Variants in TBCD observed in about 807,000 individuals in gnomAD.
TBCD encodes the protein tubulin-specific chaperone D.
In TBCD, 105 loss-of-function variants were observed where a neutral mutation model predicts 169.3. The ratio of observed to expected loss-of-function variants is 0.62; its 90% CI spans 0.53 to 0.73. TBCD has a LOEUF of 0.73. Among genes scored for constraint, TBCD ranks in the 30% least tolerant of loss-of-function variants. The probability of loss-of-function intolerance (pLI) is 0.00; values close to 1 mark genes in which losing one functional copy is unlikely to be tolerated. For missense variants in TBCD, 1,444 were observed against 1,600.1 expected, an observed-to-expected ratio of 0.90 and a Z score of 1.66; for synonymous variants, 700 against 643.9, an observed-to-expected ratio of 1.09 and a Z score of -1.32.
intron 2 of TBCD, among the ~76,000 whole-genome samples, chr17:82,763,664 C>G (rs1238807373): frequency 2.0e-5 from 3 of 152,028 alleles, no homozygotes; most frequent in African/African-American, 7.3e-5. Context: ...TAGCCTGAAC[C>G]CGGGAGGTGG....
intron 13 of TBCD, chr17:82,830,499 G>T: frequency 1.2e-6 from 2 of 1,613,384 alleles, no homozygotes; most frequent in East Asian, 2.2e-5. Flanking sequence ...CCCCGTCACC[G>T]TCGAGGCTGC....
intron 13 of TBCD, among the ~76,000 whole-genome samples, chr17:82,860,772 CCGGGCTGTGT>C (rs1281548107): frequency 1.3e-5 from 2 of 152,214 alleles, no homozygotes; most frequent in Non-Finnish European, 2.9e-5. Context: ...TCGCCCGTGT[CCGGGCTGTGT>C]AAGAAGCATG....
chr17:82,838,584 T>G (rs1052196207), intron 13 of TBCD: 3 of 918,188 alleles, frequency 3.3e-6, no homozygotes, highest in Middle Eastern at 1.1e-3. Flanking sequence ...GGACACACCA[T>G]TGTCGCCTAC....
At chr17:82,939,284 G>T (rs1486999523) in intron 36 of TBCD, 83 bp from the exon 37 acceptor site, 5 of 1,106,278 alleles carry the variant, frequency 4.5e-6, no homozygotes, top group Non-Finnish European at 1.3e-6. Flanking sequence ...CACTGACGGG[G>T]CTCCCTGGCC....
Position 82,809,361 on chromosome 17 carries a change from G to A in TBCD, c.1149-347G>A, listed in dbSNP as rs149392723. Among the ~76,000 whole-genome samples, 461 of 152,220 alleles carry A rather than the reference G, an allele frequency of 3.0e-3. 1 individual carries two copies. Among genetic ancestry groups the A allele is most frequent in the African/African-American group, 0.01 (433 of 41,522 alleles). On this transcript the variant is annotated intron_variant, in intron 11 of 38. Transcript: ENST00000355528. ...GTTTGGGGTGGCACAGAGGAAGCCCGGCTCCAGTAGGGAGGGTCAGGGTGA... is the reference window on the plus strand; with the variant it reads ...GTTTGGGGTGGCACAGAGGAAGCCCAGCTCCAGTAGGGAGGGTCAGGGTGA...
chr17:82,800,754 C>A, intron 8 of TBCD, 110 bp from the exon 9 acceptor site: 3 of 1,359,852 alleles, frequency 2.2e-6, no homozygotes, highest in Non-Finnish European at 3.0e-6. Context: ...TTGGTGATGT[C>A]TCCTGCCTCA....
intron 13 of TBCD, among the ~76,000 whole-genome samples, chr17:82,836,025 G>A (rs553654533): frequency 6.0e-4 from 92 of 152,358 alleles, no homozygotes; most frequent in Non-Finnish European, 8.2e-4. Context: ...GAAGCTACAA[G>A]GCACCGGGTC....
At chr17:82,777,920 C>CGGTCCGCTTGTCAACA (rs1308520611) in intron 6 of TBCD, among the ~76,000 whole-genome samples, 3 of 152,204 alleles carry the variant, frequency 2.0e-5, no homozygotes, top group Non-Finnish European at 4.4e-5. Flanking sequence ...CGCTAGACCA[C>CGGTCCGCTTGTCAACA]GGTCCGCTTG....
intron 13 of TBCD, among the ~76,000 whole-genome samples, chr17:82,857,374 T>C (rs911357158): frequency 7.9e-5 from 12 of 152,338 alleles, no homozygotes; most frequent in African/African-American, 2.9e-4. Context: ...TTATCAGATA[T>C]ATCATTTGCA....
intron 13 of TBCD, among the ~76,000 whole-genome samples, chr17:82,819,074 A>AG (rs2052181747): frequency 6.6e-6 from 1 of 152,258 alleles, no homozygotes; most frequent in African/African-American, 2.4e-5. Context: ...AAGAAAAAAA[A>AG]GCGCGAAAAC....
At chr17:82,878,775 T>C (rs77157856) in intron 14 of TBCD, among the ~76,000 whole-genome samples, 3,766 of 152,296 alleles carry the variant, frequency 0.025, 179 homozygotes, top group African/African-American at 0.086. Flanking sequence ...AAAGACCTTG[T>C]TGTGTGGTCT....
chr17:82,856,536 T>C (rs1402110241), intron 13 of TBCD, among the ~76,000 whole-genome samples: 1 of 152,206 alleles, frequency 6.6e-6, no homozygotes, highest in East Asian at 1.9e-4. Flanking sequence ...GTGTTAGGTG[T>C]GGCCTTTCGT....
At chr17:82,815,946 G>A (rs909332394) in intron 13 of TBCD, among the ~76,000 whole-genome samples, 1 of 152,048 alleles carries the variant, frequency 6.6e-6, no homozygotes, top group Non-Finnish European at 1.5e-5. Flanking sequence ...ACTCATTTAA[G>A]TGTACGGTTA....
chr17:82,935,627 C>A (rs1166050774), intron 34 of TBCD, among the ~76,000 whole-genome samples: 3 of 152,198 alleles, frequency 2.0e-5, no homozygotes, highest in African/African-American at 7.2e-5. Flanking sequence ...TAGCGAAGTC[C>A]AGTTTTCAGC....
At chr17:82,830,362 A>C (rs1598768507) in intron 13 of TBCD, 1 of 1,613,076 alleles carries the variant, frequency 6.2e-7, no homozygotes, top group East Asian at 2.2e-5. Context: ...CCCATCGCCC[A>C]CCCGGATGTT....
At chr17:82,813,457 C>T (rs977262570) in intron 12 of TBCD, among the ~76,000 whole-genome samples, 1 of 152,126 alleles carries the variant, frequency 6.6e-6, no homozygotes, top group African/African-American at 2.4e-5. Flanking sequence ...TGGACAGGGT[C>T]CCCTGTCCGG....
chr17:82,942,669 C>A lies in TBCD; in HGVS notation c.*206C>A. On this transcript the variant is annotated 3_prime_UTR_variant, in exon 39 of 39. Transcript: ENST00000355528. ...GTGGACGCCTCTGCCTTCACTTGAA[C>A]ACAAATGTGCTTCCTATAAAATCAT... is the stretch of plus-strand genomic sequence containing the variant. 1.6e-6 allele frequency: 1 copy of A among 628,242 alleles called. No homozygotes were observed. The allele number at this position is 628,242 out of a possible 1,614,324, so 38.9% of individuals were successfully genotyped here. A position where few individuals can be genotyped will look rare whatever the true frequency, so the allele number is the denominator to read the frequency against.
intron 8 of TBCD, among the ~76,000 whole-genome samples, chr17:82,800,342 C>T (rs2050416255): frequency 2.0e-5 from 3 of 152,130 alleles, no homozygotes; most frequent in African/African-American, 2.4e-5. Flanking sequence ...AGCCTCCTGT[C>T]CTGCTATTGT....
chr17:82,862,412 C>G (rs2056845607), intron 13 of TBCD, among the ~76,000 whole-genome samples: 2 of 152,002 alleles, frequency 1.3e-5, no homozygotes, highest in Admixed American at 1.3e-4. Context: ...GAGGAACCTT[C>G]ACCCAGAGAC....
Sources: gnomAD v4.1 joint callset for allele counts (sites outside exome capture counted in the v4.1 genomes callset) on GRCh38, gnomAD v4.1.1 for gene constraint, MANE v1.5 for transcripts, NCBI Gene and HGNC (gene_info 2026-07-23, HGNC 2026-07-21) for gene names.